Variants in MKI67 observed in about 807,000 individuals in gnomAD.
The protein encoded by MKI67 is proliferation marker protein Ki-67.
MKI67 carries 152 observed loss-of-function variants against 233.5 expected under a neutral mutation model. The observed-to-expected ratio is 0.65, with a 90% confidence interval of 0.57 to 0.74. The LOEUF (loss-of-function observed/expected upper bound fraction) is 0.74, where lower values mean the gene tolerates loss of function less well. Among genes scored for constraint, MKI67 ranks in the 30% least tolerant of loss-of-function variants. The pLI is 0.00. For missense variants in MKI67, 3,940 were observed against 3,885.2 expected, an observed-to-expected ratio of 1.01 and a Z score of -0.37; for synonymous variants, 1,465 against 1,418.5, an observed-to-expected ratio of 1.03 and a Z score of -0.74.
At position 128,105,297 on chromosome 10, in the gene MKI67, T is replaced by C; in HGVS notation, c.6543A>G (p.Pro2181=). Residue 2181 remains proline (P), a synonymous_variant, in exon 13 of 15, where the codon CCA becomes CCG. Transcript: ENST00000368654. Reference sequence around the variant, plus strand: ...GTTGGGCTTTTCCCTTAGGAGTTCTTGGCTGCCTCTTGCTACCAGTTACAC... The same window carrying C: ...GTTGGGCTTTTCCCTTAGGAGTTCTCGGCTGCCTCTTGCTACCAGTTACAC... ...AASVTGSKRQ[P]RTPKGKAQPL... is the part of the protein sequence containing the mutation. The C allele has an allele frequency of 2.5e-6, 4 of 1,614,124 alleles. No individual in the cohort carries two copies. The East Asian group carries it at 8.9e-5, about 36-fold the overall frequency.
chr10:128,101,131 T>TA (rs1306244001), intron 14 of MKI67, 127 bp downstream of exon 14: 1 of 834,248 alleles, frequency 1.2e-6, no homozygotes, highest in Non-Finnish European at 1.9e-6. Flanking sequence ...CTCCTTCCAT[T>TA]AATGTAACTG....
intron 12 of MKI67, among the ~76,000 whole-genome samples, chr10:128,110,071 A>C (rs184077510): frequency 8.5e-5 from 13 of 152,364 alleles, no homozygotes; most frequent in Admixed American, 5.2e-4. Context: ...TTATATGTAA[A>C]TATGGTGAGA....
chr10:128,121,484 T>C (rs1852941142), intron 4 of MKI67, among the ~76,000 whole-genome samples: 1 of 133,980 alleles, frequency 7.5e-6, no homozygotes, highest in Non-Finnish European at 1.6e-5. Flanking sequence ...TATATTATTA[T>C]ATTATATATT....
intron 5 of MKI67, 38 bp downstream of exon 5, chr10:128,119,215 C>A: frequency 2.8e-6 from 4 of 1,413,624 alleles, no homozygotes; most frequent in Non-Finnish European, 4.0e-6. Flanking sequence ...TTCATATCAT[C>A]GAAACGAATC....
intron 5 of MKI67, among the ~76,000 whole-genome samples, chr10:128,116,868 C>T (rs1341367507): frequency 6.6e-6 from 1 of 152,186 alleles, no homozygotes; most frequent in African/African-American, 2.4e-5. Context: ...GATTGCACCA[C>T]TGCACTCTAG....
intron 8 of MKI67, 80 bp downstream of exon 8, chr10:128,113,346 CT>C: frequency 7.3e-7 from 1 of 1,376,176 alleles, no homozygotes. Flanking sequence ...CATAATTCTA[CT>C]TGTGTCAGTA....
chr10:128,126,017 C>T (rs1259343769), intron 1 of MKI67, 82 bp downstream of exon 1: 4 of 321,150 alleles, frequency 1.2e-5, no homozygotes, highest in Non-Finnish European at 2.3e-5. Flanking sequence ...CTGTCCCCTG[C>T]CCGTCCCCGC....
Position 128,101,479 on chromosome 10 carries a change from T to A in MKI67, c.9484A>T (p.Asn3162Tyr). ...GCCACCTTAGGCTGGGAGCTCTCAT[T>A]CTGTCTAGCAGACCTCAAGCACCTT... The part of the protein sequence containing the change: ...NKRCLRSARQ[N>Y]ESSQPKVAEE... Residue 3162 changes from asparagine (N) to tyrosine (Y), a missense_variant, in exon 14 of 15, where the codon AAT (asparagine) becomes TAT (tyrosine). Transcript: ENST00000368654. The A allele has an allele frequency of 6.2e-7, 1 of 1,614,246 alleles. No homozygotes were observed. Among genetic ancestry groups the A allele is most frequent in the East Asian group, 2.2e-5 (1 of 44,884 alleles).
Position 128,099,119 on chromosome 10 carries a change from T to G in MKI67, c.*71A>C, listed in dbSNP as rs1852277149. On this transcript the variant is annotated 3_prime_UTR_variant, in exon 15 of 15. Transcript: ENST00000368654. ...TTACTTACAGAATTCACTTGTAATT[T>G]ATGACAAAAACTGCACTAGAACTTA... The G allele has an allele frequency of 4.9e-6, 6 of 1,230,392 alleles. No individual in the cohort carries two copies. The highest frequency in any genetic ancestry group is 7.0e-6 in the Non-Finnish European group (6 of 861,606). The allele number at this position is 1,230,392 out of a possible 1,614,324, so 76.2% of individuals were successfully genotyped here. A position where few individuals can be genotyped will look rare whatever the true frequency, so the allele number is the denominator to read the frequency against.
rs1438846317 is a variant in MKI67, at chr10:128,107,407, A to T, written c.4433T>A (p.Val1478Glu). The change falls in exon 13 of 15, where the codon GTA becomes GAA. Residue 1478 changes from valine to glutamate, a missense_variant. Transcript: ENST00000368654. ...AGLKELFQTPVCTDKPTTHEK... is the reference protein window; with the variant it reads ...AGLKELFQTPECTDKPTTHEK... ...GTGAGTCGTGGGCTTGTCAGTGCAT[A>T]CTGGTGTCTGGAAGAGCTCTTTCAA... 3 of 1,605,410 alleles carry T rather than the reference A, an allele frequency of 1.9e-6. No homozygotes were observed. In the South Asian group the frequency reaches 3.3e-5, roughly 18 times the overall value.
chr10:128,116,607 T>C, intron 5 of MKI67, 71 bp from the exon 6 acceptor site: 1 of 1,416,124 alleles, frequency 7.1e-7, no homozygotes, highest in Non-Finnish European at 1.0e-6. Context: ...ACAGTGAAAA[T>C]ATTATTTATT....
rs753450662 is a variant in MKI67, at chr10:128,105,840, C to T, written c.6000G>A (p.Lys2000=). The change falls in exon 13 of 15, where the codon AAG becomes AAA. Residue 2000 remains lysine, a synonymous_variant. Transcript: ENST00000368654. ...TCACACCTACTTTCCCCAAGGATAT[C>T]TTGAGTCGTTGCTTGGAGCTTGTTG... ...KTPTSSKQRL[K]ISLGKVGVKE... 22 of 1,613,932 alleles carry T rather than the reference C, an allele frequency of 1.4e-5. No individual in the cohort carries two copies. Among genetic ancestry groups the T allele is most frequent in the Non-Finnish European group, 1.9e-5 (22 of 1,180,032 alleles).
In MKI67 at chr10:128,109,199, A is replaced by C; in HGVS notation, c.2641T>G (p.Phe881Val). 6.2e-7 allele frequency: 1 copy of C among 1,614,044 alleles called. No homozygotes were observed. Among genetic ancestry groups the C allele is most frequent in the Non-Finnish European group, 8.5e-7 (1 of 1,180,014 alleles). Reference sequence around the variant, plus strand: ...ACAGGTAGCTTCTGTATATTCCTGAACTCTGTAGACCTTCCTGACCTGTTT... The same window carrying C: ...ACAGGTAGCTTCTGTATATTCCTGACCTCTGTAGACCTTCCTGACCTGTTT... The part of the protein sequence containing the change: ...TANRSGRSTE[F>V]RNIQKLPVES... The change falls in exon 13 of 15, where the codon TTC (phenylalanine) becomes GTC (valine). Residue 881 changes from phenylalanine to valine, a missense_variant. By Grantham distance (50) the Phe-to-Val change is conservative. Transcript: ENST00000368654.
chr10:128,121,234 A>G (rs1267494192), intron 4 of MKI67, among the ~76,000 whole-genome samples: 1 of 151,322 alleles, frequency 6.6e-6, no homozygotes, highest in Non-Finnish European at 1.5e-5. Context: ...CAATCAATCA[A>G]TCCTCAGTAG....
Position 128,105,586 on chromosome 10 carries a change from G to A in MKI67, c.6254C>T (p.Thr2085Ile), listed in dbSNP as rs1294098069. 1.2e-5 allele frequency: 20 copies of A among 1,614,022 alleles called. No homozygotes were observed. The highest frequency in any genetic ancestry group is 1.7e-5 in the Non-Finnish European group (20 of 1,180,024). The change falls in exon 13 of 15, where the codon ACA (threonine) becomes ATA (isoleucine). Residue 2085 changes from threonine to isoleucine, a missense_variant. Coordinates refer to ENST00000368654, the MANE Select transcript of MKI67 (RefSeq NM_002417.5). ...DLAGFKELFQ[T>I]PDHTEESTTD... Reference sequence around the variant, plus strand: ...TGTTGATTCCTCAGTGTGGTCTGGTGTCTGGAAGAGCTCTTTGAAGCCGGC... The same window carrying A: ...TGTTGATTCCTCAGTGTGGTCTGGTATCTGGAAGAGCTCTTTGAAGCCGGC...
chr10:128,126,018 C>T (rs1853047441), intron 1 of MKI67, 81 bp downstream of exon 1: 1 of 320,600 alleles, frequency 3.1e-6, no homozygotes, highest in Non-Finnish European at 5.9e-6. Flanking sequence ...TGTCCCCTGC[C>T]CGTCCCCGCA....
Position 128,104,765 on chromosome 10 carries a change from G to A in MKI67, c.7075C>T (p.Arg2359Trp), listed in dbSNP as rs369458416. Residue 2359 changes from arginine to tryptophan, a missense_variant, in exon 13 of 15, where the codon CGG (arginine) becomes TGG (tryptophan). By Grantham distance (101) the Arg-to-Trp change is moderately radical. Transcript: ENST00000368654. ...PVDTPASTKQ[R>W]PKRNLRKADV... Reference sequence around the variant, plus strand: ...GCTTTCCTGAGGTTTCTCTTGGGCCGTTGCTTTGTGCTTGCTGGGGTGTCC... The same window carrying A: ...GCTTTCCTGAGGTTTCTCTTGGGCCATTGCTTTGTGCTTGCTGGGGTGTCC... 4.6e-5 allele frequency: 74 copies of A among 1,613,418 alleles called. No homozygotes were observed. The highest frequency in any genetic ancestry group is 2.9e-4 in the African/African-American group (22 of 74,658).
Position 128,104,192 on chromosome 10 carries a change from T to TA in MKI67, c.7647dup (p.Lys2550Ter). On this transcript the variant is annotated frameshift_variant, in exon 13 of 15. Transcript: ENST00000368654. LOFTEE classifies it high-confidence loss of function. ...TCTTCTAGAGCACGGGCCTTTTCCT[T>TA]ACGAGTTCTCAGCTGCCTCCTGCTA... 1 of 1,613,986 alleles carries TA rather than the reference T, an allele frequency of 6.2e-7. No individual in the cohort carries two copies. Among genetic ancestry groups the TA allele is most frequent in the Non-Finnish European group, 8.5e-7 (1 of 1,179,996 alleles).
chr10:128,119,412 C>A (rs1481567345), intron 4 of MKI67, 93 bp from the exon 5 acceptor site: 10 of 834,946 alleles, frequency 1.2e-5, no homozygotes, highest in Non-Finnish European at 1.8e-5. Context: ...GATCAACGAA[C>A]AAACTTTGGG....
Sources: allele counts gnomAD v4.1 joint callset (sites outside exome capture counted in the v4.1 genomes callset), GRCh38; gene constraint gnomAD v4.1.1; transcripts MANE v1.5; gene names NCBI Gene and HGNC (gene_info 2026-07-23, HGNC 2026-07-21).